The following RIN3 variants were observed in gnomAD, a reference collection of about 807,000 sequenced individuals.
RIN3 encodes RAB5 interacting protein 3.
Under a neutral mutation model 76.3 loss-of-function variants are expected in RIN3, and 54 were observed. The observed-to-expected ratio is 0.71, with a 90% confidence interval of 0.57 to 0.89. The LOEUF is 0.89. Among genes scored for constraint, RIN3 ranks in the 40% least tolerant of loss-of-function variants. The pLI, the probability that RIN3 is intolerant of heterozygous loss-of-function variation, is 0.00. For synonymous variants in RIN3, 576 were observed against 564.0 expected (o/e 1.02, Z -0.30); for missense variants, 1,256 against 1,322.1 (o/e 0.95, Z 0.78).
intron 3 of RIN3, among the ~76,000 whole-genome samples, chr14:92,594,432 CAAAAAAAA>C (rs35874661): frequency 3.8e-5 from 5 of 130,556 alleles, no homozygotes; most frequent in African/African-American, 1.4e-4. Context: ...AACTCTGTCT[CAAAAAAAA>C]AAAAAAAAAA....
chr14:92,594,043 A>G (rs939827714), intron 3 of RIN3, among the ~76,000 whole-genome samples: 4 of 152,228 alleles, frequency 2.6e-5, no homozygotes, highest in East Asian at 3.8e-4. Context: ...TTATCCAACA[A>G]TAACAGAATG....
chr14:92,541,199 T>C (rs1897124258), intron 1 of RIN3, among the ~76,000 whole-genome samples: 1 of 152,264 alleles, frequency 6.6e-6, no homozygotes, highest in Non-Finnish European at 1.5e-5. Flanking sequence ...GCATTTGCCA[T>C]GTTACTACCC....
intron 1 of RIN3, among the ~76,000 whole-genome samples, chr14:92,538,895 TTTC>T (rs1013482107): frequency 5.9e-5 from 9 of 151,944 alleles, no homozygotes; most frequent in Non-Finnish European, 1.2e-4. Flanking sequence ...TATGTCTCGG[TTTC>T]TTCTTTTCTC....
chr14:92,517,619 A>G (rs1316620115), intron 1 of RIN3, among the ~76,000 whole-genome samples: 1 of 152,052 alleles, frequency 6.6e-6, no homozygotes, highest in Non-Finnish European at 1.5e-5. Context: ...CTGATGGCCA[A>G]CTCCAGAATG....
At chr14:92,587,661 C>A (rs7144258) in intron 3 of RIN3, among the ~76,000 whole-genome samples, 47,572 of 151,210 alleles carry the variant, frequency 0.31, 7,632 homozygotes, top group East Asian at 0.45. Flanking sequence ...AAGCAGCCCA[C>A]CTCAACTGTC....
In RIN3 at chr14:92,533,512, A is replaced by G. The variant is rs191354923; in HGVS notation, c.44+19536A>G. On this transcript the variant is annotated intron_variant, in intron 1 of 9. Coordinates refer to ENST00000216487, the MANE Select transcript of RIN3 (RefSeq NM_024832.5). Reference sequence around the variant, plus strand: ...TAAAGAAATTGTGGTCTCTCTCTATATATATGATGAAATACTACTCAGCAA... The same window carrying G: ...TAAAGAAATTGTGGTCTCTCTCTATGTATATGATGAAATACTACTCAGCAA... 1.0e-3 allele frequency among the ~76,000 whole-genome samples: 157 copies of G among 152,376 alleles called. 2 individuals carry two copies. Among genetic ancestry groups the G allele is most frequent in the Admixed American group, 4.4e-3 (67 of 15,304 alleles).
chr14:92,574,038 C>A (rs1038594820), intron 2 of RIN3, among the ~76,000 whole-genome samples: 1 of 152,250 alleles, frequency 6.6e-6, no homozygotes, highest in Non-Finnish European at 1.5e-5. Context: ...ACCACCCCCA[C>A]CCCTGCCATG....
chr14:92,621,916 T>C (rs936201220), intron 4 of RIN3, among the ~76,000 whole-genome samples: 5 of 152,194 alleles, frequency 3.3e-5, no homozygotes, highest in African/African-American at 4.8e-5. Context: ...CCCCAATAGA[T>C]AAGCCAATGA....
rs746203523 is a variant in RIN3 at position 92,652,869 on chromosome 14, A to G, written c.1820A>G (p.Glu607Gly). Residue 607 changes from glutamate to glycine, a missense_variant, in exon 6 of 10, where the codon GAG becomes GGG. Physicochemically the swap from Glu to Gly is moderately conservative, Grantham distance 98. Around this residue, in one of 3 missense-constraint regions of RIN3, gnomAD observed 428 missense variants for 521.2 expected, o/e 0.82. Coordinates refer to ENST00000216487, the MANE Select transcript of RIN3 (RefSeq NM_024832.5). The surrounding 1 kb of genome is among the most constrained non-coding windows in gnomAD (Gnocchi z 6.4). ...CGCAAGCTGTACAAGAAGGTGGTGGAGCTGGCGCAGGACAAGGGCTCGTAC... is the reference window on the plus strand; with the variant it reads ...CGCAAGCTGTACAAGAAGGTGGTGGGGCTGGCGCAGGACAAGGGCTCGTAC... ...NNRKLYKKVV[E>G]LAQDKGSYFG... is the part of the protein sequence containing the mutation. 3 of 1,613,950 alleles carry G rather than the reference A, an allele frequency of 1.9e-6. No individual in the cohort carries two copies. The highest frequency in any genetic ancestry group is 2.5e-6 in the Non-Finnish European group (3 of 1,180,038).
intron 1 of RIN3, among the ~76,000 whole-genome samples, chr14:92,553,941 GGGCTTACCCT>G (rs575073977): frequency 6.6e-5 from 10 of 152,090 alleles, no homozygotes; most frequent in Non-Finnish European, 1.5e-4. Context: ...CCCTTTTACA[GGGCTTACCCT>G]GGCCTCGTCC....
At chr14:92,674,583 G>C (rs772550245) in intron 7 of RIN3, among the ~76,000 whole-genome samples, 1 of 151,866 alleles carries the variant, frequency 6.6e-6, no homozygotes, top group Non-Finnish European at 1.5e-5. Flanking sequence ...CAGCCTGGGC[G>C]ACAGAGTGAA....
chr14:92,608,569 C>G (rs1885612032), intron 3 of RIN3, among the ~76,000 whole-genome samples: 1 of 151,394 alleles, frequency 6.6e-6, no homozygotes, highest in Admixed American at 6.6e-5. Flanking sequence ...GAGTCTCACT[C>G]TGTTGCCCAG....
intron 1 of RIN3, among the ~76,000 whole-genome samples, chr14:92,521,253 GCATCCATC>G (rs202125536): frequency 6.6e-6 from 1 of 151,228 alleles, no homozygotes; most frequent in Non-Finnish European, 1.5e-5. Context: ...ATCCATCCAT[GCATCCATC>G]CATCCATCCA....
chr14:92,578,338 G>A (rs1463857218), intron 3 of RIN3, among the ~76,000 whole-genome samples: 1 of 152,124 alleles, frequency 6.6e-6, no homozygotes, highest in African/African-American at 2.4e-5. Context: ...AATGTTTGGG[G>A]ACCCCCTCTC....
chr14:92,587,572 G>A (rs1453789359), intron 3 of RIN3, among the ~76,000 whole-genome samples: 1 of 152,190 alleles, frequency 6.6e-6, no homozygotes, highest in Admixed American at 6.5e-5. Context: ...GGTTAGTATT[G>A]TGGGTGGCCA....
intron 1 of RIN3, among the ~76,000 whole-genome samples, chr14:92,547,009 T>TTA (rs1566836428): frequency 9.0e-6 from 1 of 110,570 alleles, no homozygotes; most frequent in Non-Finnish European, 2.0e-5. Context: ...ATTATTTTAT[T>TTA]TTATTATTAA....
chr14:92,680,572 G>A (rs1428872811), intron 8 of RIN3, among the ~76,000 whole-genome samples: 1 of 152,072 alleles, frequency 6.6e-6, no homozygotes, highest in Non-Finnish European at 1.5e-5. Flanking sequence ...CCTCCCAAAG[G>A]CCCCACCTCC....
chr14:92,578,263 AAAG>A (rs1898318719), intron 3 of RIN3, among the ~76,000 whole-genome samples: 2 of 151,960 alleles, frequency 1.3e-5, no homozygotes, highest in South Asian at 2.1e-4. Context: ...AAAAAAGAAA[AAAG>A]AAGGACAAAA....
intron 7 of RIN3, among the ~76,000 whole-genome samples, chr14:92,663,458 A>G (rs1393447380): frequency 6.6e-6 from 1 of 152,224 alleles, no homozygotes; most frequent in Non-Finnish European, 1.5e-5. Context: ...GGAGGCCGGA[A>G]TCTCTGCAGA....
Sources: allele counts gnomAD v4.1 joint callset (sites outside exome capture counted in the v4.1 genomes callset), GRCh38; gene constraint gnomAD v4.1.1; regional missense constraint gnomAD v4.1.1; non-coding constraint Gnocchi (gnomAD v3.1); transcripts MANE v1.5; gene names NCBI Gene and HGNC (gene_info 2026-07-23, HGNC 2026-07-21).